TTC17: variants seen among roughly 807,000 people sequenced by gnomAD.
TTC17 encodes the protein tetratricopeptide repeat protein 17.
A neutral mutation model predicts 143.8 loss-of-function variants in TTC17; 58 were observed. The ratio of observed to expected loss-of-function variants is 0.40; its 90% CI spans 0.33 to 0.50. The LOEUF (loss-of-function observed/expected upper bound fraction) is 0.50, where lower values mean the gene tolerates loss of function less well. TTC17 is among the 20% of genes least tolerant of loss of function. The pLI is 0.49. For synonymous variants in TTC17, 501 were observed against 497.8 expected, an observed-to-expected ratio of 1.01 and a Z score of -0.09; for missense variants, 1,273 against 1,392.5, an observed-to-expected ratio of 0.91 and a Z score of 1.37.
At chr11:43,476,520 T>C (rs1294158145) in intron 21 of TTC17, among the ~76,000 whole-genome samples, 1 of 152,230 alleles carries the variant, frequency 6.6e-6, no homozygotes, top group East Asian at 1.9e-4. Flanking sequence ...TCTTCTGAAA[T>C]CTAGGTGGAG....
intron 1 of TTC17, among the ~76,000 whole-genome samples, chr11:43,362,525 C>T (rs1856160313): frequency 3.3e-5 from 5 of 152,196 alleles, no homozygotes; most frequent in Admixed American, 2.0e-4. Context: ...AGCATACATT[C>T]CTGCAGGCAA....
At chr11:43,472,682 A>G (rs964698182) in intron 21 of TTC17, among the ~76,000 whole-genome samples, 4 of 152,172 alleles carry the variant, frequency 2.6e-5, no homozygotes, top group Admixed American at 6.5e-5. Context: ...TGATATTTCT[A>G]TAATGTTGAT....
chr11:43,448,078 T>C lies in TTC17; in HGVS notation c.2742T>C (p.Thr914=), dbSNP rs1947584646. Residue 914 remains threonine, a synonymous_variant, in exon 19 of 24, where the codon ACT becomes ACC. Transcript: ENST00000039989. ...TCAAACTCCGCTGGGTAGAGCTGAC[T>C]GCCATCGTGAGTACCTGGCTTGCAG... ...ECLKLRWVEL[T]AIVSTWLAVS... The C allele has an allele frequency of 6.2e-7, 1 of 1,614,066 alleles. No individual in the cohort carries two copies. Among genetic ancestry groups the C allele is most frequent in the Non-Finnish European group, 8.5e-7 (1 of 1,180,004 alleles).
intron 23 of TTC17, among the ~76,000 whole-genome samples, chr11:43,493,017 G>A (rs908157866): frequency 6.6e-6 from 1 of 152,198 alleles, no homozygotes; most frequent in African/African-American, 2.4e-5. Context: ...GAAGTATTTT[G>A]CCAGGGAGGT....
At chr11:43,429,475 C>T (rs1179243424) in intron 16 of TTC17, among the ~76,000 whole-genome samples, 1 of 152,184 alleles carries the variant, frequency 6.6e-6, no homozygotes, top group Non-Finnish European at 1.5e-5. Flanking sequence ...TCCCACATGT[C>T]ACCTGTAGTA....
intron 21 of TTC17, among the ~76,000 whole-genome samples, chr11:43,466,202 A>G (rs1016091246): frequency 2.0e-5 from 3 of 152,240 alleles, no homozygotes; most frequent in Non-Finnish European, 4.4e-5. Context: ...ATCATCAGGA[A>G]AATGCAAATC....
intron 16 of TTC17, among the ~76,000 whole-genome samples, chr11:43,442,009 G>C (rs868229595): frequency 6.6e-6 from 1 of 152,142 alleles, no homozygotes; most frequent in South Asian, 2.1e-4. Flanking sequence ...AGAGTGTACT[G>C]TACTTACTTA....
chr11:43,383,726 T>C (rs901173098), intron 2 of TTC17, among the ~76,000 whole-genome samples: 1 of 152,118 alleles, frequency 6.6e-6, no homozygotes, highest in Non-Finnish European at 1.5e-5. Flanking sequence ...AGACTGAATA[T>C]TTGATATTAA....
At chr11:43,372,290 C>A (rs1856596726) in intron 1 of TTC17, among the ~76,000 whole-genome samples, 1 of 150,916 alleles carries the variant, frequency 6.6e-6, no homozygotes, top group Non-Finnish European at 1.5e-5. Context: ...AATCTGATAG[C>A]TGTCTAAAAA....
intron 1 of TTC17, among the ~76,000 whole-genome samples, chr11:43,376,025 A>C (rs1590320544): frequency 6.6e-6 from 1 of 152,206 alleles, no homozygotes; most frequent in Non-Finnish European, 1.5e-5. Flanking sequence ...ATATTTACTC[A>C]TGTTATATAT....
chr11:43,405,419 G>T (rs1858074057), intron 11 of TTC17, 95 bp from the exon 12 acceptor site: 2 of 879,956 alleles, frequency 2.3e-6, no homozygotes, highest in East Asian at 4.9e-5. Flanking sequence ...TTATAGTTTT[G>T]TTCAATTATT....
chr11:43,401,373 A>G, intron 9 of TTC17, 73 bp from the exon 10 acceptor site: 1 of 1,020,048 alleles, frequency 9.8e-7, no homozygotes, highest in Non-Finnish European at 1.5e-6. Flanking sequence ...ATACTAAATG[A>G]CTTAGTCTAA....
chr11:43,431,025 T>G (rs148429608), intron 16 of TTC17, among the ~76,000 whole-genome samples: 1 of 152,082 alleles, frequency 6.6e-6, no homozygotes, highest in African/African-American at 2.4e-5. Flanking sequence ...ACATGTGGTG[T>G]TTGGTTTTGT....
intron 21 of TTC17, among the ~76,000 whole-genome samples, chr11:43,478,212 A>G (rs1360494743): frequency 6.6e-6 from 1 of 152,240 alleles, no homozygotes; most frequent in Non-Finnish European, 1.5e-5. Flanking sequence ...AGAAAAAACT[A>G]ATGAAGATGG....
chr11:43,412,981 G>GACATACACACACAC (rs1011505049), intron 15 of TTC17, among the ~76,000 whole-genome samples: 19 of 140,480 alleles, frequency 1.4e-4, no homozygotes, highest in African/African-American at 5.0e-4. Flanking sequence ...ACCTAGAATA[G>GACATACACACACAC]ACACACACAC....
intron 16 of TTC17, among the ~76,000 whole-genome samples, chr11:43,429,123 A>G (rs183805353): frequency 1.3e-5 from 2 of 152,352 alleles, no homozygotes; most frequent in East Asian, 3.9e-4. Flanking sequence ...TACAGTCATC[A>G]GCAACCTAGG....
At chr11:43,450,375 T>G in intron 20 of TTC17, 134 bp downstream of exon 20, 1 of 1,098,700 alleles carries the variant, frequency 9.1e-7, no homozygotes, top group Non-Finnish European at 1.2e-6. Flanking sequence ...ATCACCTAGG[T>G]GGGTTTGGGC....
intron 1 of TTC17, among the ~76,000 whole-genome samples, chr11:43,359,750 G>GAA (rs2134417602): frequency 6.6e-6 from 1 of 152,340 alleles, no homozygotes; most frequent in East Asian, 1.9e-4. Flanking sequence ...CATCTTTTCA[G>GAA]CTGTTACTGC....
Position 43,395,286 on chromosome 11 carries a change from G to T in TTC17, c.664-1423G>T, listed in dbSNP as rs1420023739. On this transcript the variant is annotated intron_variant, in intron 5 of 23. Coordinates refer to ENST00000039989, the MANE Select transcript of TTC17 (RefSeq NM_018259.6). ...CGGCAAATTTTTTGTCTTTTTAGTGGTGATGGGGTTTCACCATGTTAGCCA... is the reference window on the plus strand; with the variant it reads ...CGGCAAATTTTTTGTCTTTTTAGTGTTGATGGGGTTTCACCATGTTAGCCA... The T allele has an allele frequency of 2.0e-5, 3 of 151,962 alleles. No homozygotes were observed. In the East Asian group the frequency reaches 5.8e-4, roughly 29 times the overall value. 9.4% of individuals were successfully genotyped at this position (151,962 alleles called of 1,614,324 possible).
Sources: gnomAD v4.1 joint callset for allele counts (sites outside exome capture counted in the v4.1 genomes callset) on GRCh38, gnomAD v4.1.1 for gene constraint, MANE v1.5 for transcripts, NCBI Gene and HGNC (gene_info 2026-07-23, HGNC 2026-07-21) for gene names.